ATRX: variants seen among roughly 807,000 people sequenced by gnomAD.
The protein encoded by ATRX is chromatin remodeler ATRX.
A neutral mutation model predicts 172.6 loss-of-function variants in ATRX; 12 were observed. The ratio of observed to expected loss-of-function variants is 0.07; its 90% confidence interval spans 0.04 to 0.11. The LOEUF is 0.11. Among genes scored for constraint, ATRX ranks in the 10% least tolerant of loss-of-function variants. The pLI is 1.00. For missense variants in ATRX, 1,368 were observed against 1,767.4 expected (o/e 0.77, Z 4.05); for synonymous variants, 674 against 594.7 (o/e 1.13, Z -1.94).
intron 1 of ATRX, among the ~76,000 whole-genome samples, chrX:77,777,958 A>G (rs1445222228): frequency 9.2e-6 from 1 of 108,808 alleles, no homozygotes; most frequent in Non-Finnish European, 1.9e-5. Flanking sequence ...CAATATGGTG[A>G]CACCCCGTCT....
rs920271837 is a variant in ATRX at position 77,685,143 on chromosome X, A to G, written c.595-137T>C. 7 of 498,224 alleles carry G rather than the reference A, an allele frequency of 1.4e-5. No individual in the cohort carries two copies. In the South Asian group the frequency reaches 2.1e-4, roughly 15 times the overall value. The allele number at this position is 498,224 out of a possible 1,213,427, so 41.1% of individuals were successfully genotyped here. A position where few individuals can be genotyped will look rare whatever the true frequency, so the allele number is the denominator to read the frequency against. On this transcript the variant is annotated intron_variant, in intron 7 of 34. Coordinates refer to ENST00000373344, the MANE Select transcript of ATRX (RefSeq NM_000489.6). Reference sequence around the variant, plus strand: ...CACTGGTGTGGGCAAAGATTTATTGAGCATATTACACAAGCTCAGGCAACC... The same window carrying G: ...CACTGGTGTGGGCAAAGATTTATTGGGCATATTACACAAGCTCAGGCAACC...
At chrX:77,686,710 G>A (rs1308805197) in intron 7 of ATRX, among the ~76,000 whole-genome samples, 7 of 110,319 alleles carry the variant, frequency 6.3e-5, no homozygotes, top group Non-Finnish European at 9.5e-5. Flanking sequence ...GTGACACTCC[G>A]CCTCAAAAAT....
chrX:77,696,449 C>T, intron 5 of ATRX, 128 bp downstream of exon 5: 1 of 700,661 alleles, frequency 1.4e-6, no homozygotes, highest in Non-Finnish European at 2.2e-6. Context: ...TATTTCTAGA[C>T]AACCACTAGG....
Position 77,556,956 on chromosome X carries a change from G to A in ATRX, c.6699+495C>T, listed in dbSNP as rs923196328. 6.3e-5 allele frequency among the ~76,000 whole-genome samples: 7 copies of A among 111,653 alleles called. No individual in the cohort carries two copies. The East Asian group carries it at 2.0e-3, about 31-fold the overall frequency. ...TTCCTCATCTTGAAAATGAAAACAG[G>A]ACTATCTGCTTTTCAGCTGCTGGAT... On this transcript the variant is annotated intron_variant, in intron 30 of 34. Transcript: ENST00000373344.
At chrX:77,717,759 T>C (rs1339694120) in intron 1 of ATRX, among the ~76,000 whole-genome samples, 3 of 111,550 alleles carry the variant, frequency 2.7e-5, no homozygotes, top group African/African-American at 9.8e-5. Flanking sequence ...TTCAATGTAC[T>C]CTATATGATG....
rs1557138043 is a variant in ATRX, at chrX:77,682,090, T to C, written c.3166A>G (p.Lys1056Glu). ...SKKIRDKTSKKKDELSDYAEK... is the reference protein window; with the variant it reads ...SKKIRDKTSKEKDELSDYAEK... ...GCATAATCAGATAATTCATCCTTCT[T>C]TTTAGAAGTTTTATCTCTTATTTTT... Residue 1056 changes from lysine to glutamate, a missense_variant, in exon 9 of 35, where the codon AAG (lysine) becomes GAG (glutamate). Transcript: ENST00000373344. The C allele has an allele frequency of 2.5e-6, 3 of 1,209,125 alleles. No homozygotes were observed. In the Admixed American group the frequency reaches 6.5e-5, roughly 26 times the overall value.
At chrX:77,776,425 A>G (rs2076352831) in intron 1 of ATRX, among the ~76,000 whole-genome samples, 1 of 111,941 alleles carries the variant, frequency 8.9e-6, no homozygotes, top group Admixed American at 9.5e-5. Flanking sequence ...TTTTTACAGG[A>G]TGATAATTAG....
chrX:77,639,007 C>T (rs1603016968), intron 15 of ATRX, among the ~76,000 whole-genome samples: 1 of 112,281 alleles, frequency 8.9e-6, no homozygotes, highest in Non-Finnish European at 1.9e-5. Context: ...AGCTTCATAT[C>T]ACTGGGGTAA....
At chrX:77,537,885 A>G (rs1244821857) in intron 30 of ATRX, among the ~76,000 whole-genome samples, 1 of 111,314 alleles carries the variant, frequency 9.0e-6, no homozygotes, top group Admixed American at 9.6e-5. Context: ...GATACACAAT[A>G]GCAAAGTCAC....
intron 2 of ATRX, among the ~76,000 whole-genome samples, chrX:77,702,112 T>G (rs1227286568): frequency 8.9e-6 from 1 of 111,796 alleles, no homozygotes; most frequent in East Asian, 2.8e-4. Context: ...TGTGACATTA[T>G]CTCATACATA....
At chrX:77,593,593 T>TAGGA (rs2066360795) in intron 26 of ATRX, 103 bp downstream of exon 26, 2 of 899,025 alleles carry the variant, frequency 2.2e-6, no homozygotes, top group African/African-American at 4.0e-5. Context: ...ATCACATCTT[T>TAGGA]AGGAAGGAAG....
chrX:77,633,399 T>TA lies in ATRX; in HGVS notation c.4957-16dup. On this transcript the variant is annotated splice_polypyrimidine_tract_variant and intron_variant, in intron 18 of 34. Coordinates refer to ENST00000373344, the MANE Select transcript of ATRX (RefSeq NM_000489.6). ...AATTCAGAAACCTTTTGTGGGGAAA[T>TA]AAAGATTTTTTTAAGTAGCTACTAA... 2 of 1,201,466 alleles carry TA rather than the reference T, an allele frequency of 1.7e-6. No homozygotes were observed. Among genetic ancestry groups the TA allele is most frequent in the South Asian group, 3.6e-5 (2 of 55,019 alleles).
In ATRX at chrX:77,681,088, A is replaced by T. The variant is rs187129709; in HGVS notation, c.3736+432T>A. ...AAATAATTAAAGGGGATTTCATGAG[A>T]CACAAAGTTATCTGTTCAAACTTAA... On this transcript the variant is annotated intron_variant, in intron 9 of 34. Transcript: ENST00000373344. Among the ~76,000 whole-genome samples, 333 of 111,492 alleles carry T rather than the reference A, an allele frequency of 3.0e-3. 2 individuals carry two copies. The highest frequency in any genetic ancestry group is 8.9e-3 in the South Asian group (24 of 2,685).
At chrX:77,511,308 T>C (rs2062860843) in intron 34 of ATRX, among the ~76,000 whole-genome samples, 1 of 111,372 alleles carries the variant, frequency 9.0e-6, no homozygotes, top group Non-Finnish European at 1.9e-5. Context: ...CCAACTCCCT[T>C]TGAATACCTA....
At position 77,640,462 on chromosome X, in the gene ATRX, TA is replaced by T. The variant is rs782814672; in HGVS notation, c.4558-4407del. 2.3e-3 allele frequency among the ~76,000 whole-genome samples: 256 copies of T among 110,122 alleles called. 2 individuals are homozygous for T. Among genetic ancestry groups the T allele is most frequent in the African/African-American group, 8.0e-3 (240 of 30,186 alleles). On this transcript the variant is annotated intron_variant, in intron 15 of 34. Coordinates refer to ENST00000373344, the MANE Select transcript of ATRX (RefSeq NM_000489.6). ...TCCCATATCTGAATTGAAGGGAAAA[TA>T]AAGGAAAAAAAATCATATGACCAAA...
chrX:77,623,805 A>G (rs1312978592), intron 19 of ATRX, among the ~76,000 whole-genome samples: 1 of 111,922 alleles, frequency 8.9e-6, no homozygotes, highest in Non-Finnish European at 1.9e-5. Context: ...CAAAAATCAC[A>G]TGATCATCTC....
At chrX:77,770,125 C>T (rs2076109209) in intron 1 of ATRX, among the ~76,000 whole-genome samples, 1 of 106,682 alleles carries the variant, frequency 9.4e-6, no homozygotes, top group African/African-American at 3.4e-5. Context: ...TTTTTTGACA[C>T]GGAGTCTCAC....
rs2148622869 is a variant in ATRX, at chrX:77,683,830, G to C, written c.1426C>G (p.Gln476Glu). 8.3e-7 allele frequency: 1 copy of C among 1,209,992 alleles called. No individual in the cohort carries two copies. The highest frequency in any genetic ancestry group is 1.7e-5 in the African/African-American group (1 of 57,820). Residue 476 changes from glutamine to glutamate, a missense_variant, in exon 9 of 35, where the codon CAG (glutamine) becomes GAG (glutamate). By Grantham distance (29) the Gln-to-Glu change is conservative. Transcript: ENST00000373344. Reference protein sequence around the residue: ...RKQVDSEHMHQNVPTEEQRTN... With the variant: ...RKQVDSEHMHENVPTEEQRTN... ...CTTTGTTCCTCTGTTGGAACATTCT[G>C]ATGCATGTGCTCACTATCTACCTGT...
rs1557125329 is a variant in ATRX, at chrX:77,664,896, A to G, written c.3810-118T>C. 6 of 733,168 alleles carry G rather than the reference A, an allele frequency of 8.2e-6. No individual in the cohort carries two copies. In the Admixed American group the frequency reaches 2.3e-4, roughly 28 times the overall value. The allele number at this position is 733,168 out of a possible 1,213,427, so 60.4% of individuals were successfully genotyped here. On this transcript the variant is annotated intron_variant, in intron 10 of 34. Transcript: ENST00000373344. ...AGAAATAAATGTGCCAATAGATTTT[A>G]TATTGTAAATAAACAACTAGCAAAA...
Sources: gnomAD v4.1 joint callset for allele counts (sites outside exome capture counted in the v4.1 genomes callset) on GRCh38, gnomAD v4.1.1 for gene constraint, MANE v1.5 for transcripts, NCBI Gene and HGNC (gene_info 2026-07-23, HGNC 2026-07-21) for gene names.